The following COX8C variants were observed in gnomAD, a reference collection of about 807,000 sequenced individuals.
COX8C encodes cytochrome c oxidase subunit 8C, also known as cytochrome c oxidase subunit 8C, mitochondrial.
COX8C carries 3 observed loss-of-function variants against 3.5 expected under a neutral mutation model. That is an observed-to-expected ratio of 0.86 (90% CI 0.39 to 2.24). The LOEUF (loss-of-function observed/expected upper bound fraction) is 2.24, where lower values mean the gene tolerates loss of function less well. Ranked by LOEUF, COX8C falls within the 30% of genes most tolerant of loss-of-function variation. COX8C has a pLI of 0.05. For synonymous variants in COX8C, 46 were observed against 44.1 expected (o/e 1.04, Z -0.17); for missense variants, 113 against 102.5 (o/e 1.10, Z -0.44).
At chr14:93,347,715 T>A (rs1443997278) in intron 1 of COX8C, among the ~76,000 whole-genome samples, 1 of 152,112 alleles carries the variant, frequency 6.6e-6, no homozygotes, top group African/African-American at 2.4e-5. Context: ...CGCGGAGGAA[T>A]GATTTACCAT....
chr14:93,347,455 G>A, intron 1 of COX8C, 61 bp downstream of exon 1: 1 of 1,385,148 alleles, frequency 7.2e-7, no homozygotes, highest in Non-Finnish European at 9.3e-7. Flanking sequence ...GGGGCGCCCC[G>A]ACGGGTGGGG....
chr14:93,347,520 G>C, intron 1 of COX8C, 126 bp downstream of exon 1: 1 of 1,152,376 alleles, frequency 8.7e-7, no homozygotes, highest in Non-Finnish European at 1.1e-6. Flanking sequence ...TGGCTTGGTC[G>C]CCGTTGGGGG....
intron 1 of COX8C, 140 bp from the exon 2 acceptor site, chr14:93,347,888 C>A: frequency 5.2e-6 from 3 of 572,722 alleles, no homozygotes; most frequent in East Asian, 2.8e-5. Flanking sequence ...CGATTTTCAG[C>A]ATTTTAGATT....
At chr14:93,347,994 C>T (rs2053900788) in intron 1 of COX8C, 34 bp from the exon 2 acceptor site, 1 of 1,309,388 alleles carries the variant, frequency 7.6e-7, no homozygotes, top group Non-Finnish European at 1.1e-6. Context: ...CCTAGGAAGC[C>T]ATACTCAGCA....
rs200469290 is a variant in COX8C at position 93,348,019 on chromosome 14, C to A, written c.127-9C>A. On this transcript the variant is annotated splice_polypyrimidine_tract_variant and intron_variant, in intron 1 of 1. Coordinates refer to ENST00000342144, the MANE Select transcript of COX8C (RefSeq NM_182971.3). ...CATACTCAGCAGCGCGTGTCATCTT[C>A]TCTTCCAGGAAATGGCTGTTGGACT... The A allele has an allele frequency of 8.8e-6, 14 of 1,584,118 alleles. No individual in the cohort carries two copies. The highest frequency in any genetic ancestry group is 1.0e-5 in the Non-Finnish European group (12 of 1,152,792).
At position 93,347,360 on chromosome 14, in the gene COX8C, C is replaced by CG; in HGVS notation, c.96dup (p.Pro33AlafsTer45). ...CAGCCCGCTCCCCGCTTCGCCCACTCGGGGCCCCCGCGCCAGCGGCCCCTG... is the reference window on the plus strand; with the variant it reads ...CAGCCCGCTCCCCGCTTCGCCCACTCGGGGGCCCCCGCGCCAGCGGCCCCTG... On this transcript the variant is annotated frameshift_variant, in exon 1 of 2. Transcript: ENST00000342144. LOFTEE classifies it low-confidence loss of function (END_TRUNC). 1 of 1,581,954 alleles carries CG rather than the reference C, an allele frequency of 6.3e-7. No individual in the cohort carries two copies. Among genetic ancestry groups the CG allele is most frequent in the Non-Finnish European group, 8.5e-7 (1 of 1,169,606 alleles).
Position 93,347,975 on chromosome 14 carries a change from A to G in COX8C, c.127-53A>G, listed in dbSNP as rs2139902989. Reference sequence around the variant, plus strand: ...TTTAAGCACTTTTTGTTAGGCAGCAAGTCACTGGCCTAGGAAGCCATACTC... The same window carrying G: ...TTTAAGCACTTTTTGTTAGGCAGCAGGTCACTGGCCTAGGAAGCCATACTC... On this transcript the variant is annotated intron_variant, in intron 1 of 1. Transcript: ENST00000342144. 3.7e-6 allele frequency: 4 copies of G among 1,089,268 alleles called. No individual in the cohort carries two copies. The East Asian group carries it at 7.1e-5, about 19-fold the overall frequency. 67.5% of individuals were successfully genotyped at this position (1,089,268 alleles called of 1,614,324 possible).
chr14:93,347,457 C>T (rs2053878305), intron 1 of COX8C, 63 bp downstream of exon 1: 1 of 1,384,246 alleles, frequency 7.2e-7, no homozygotes, highest in Non-Finnish European at 9.3e-7. Context: ...GGCGCCCCGA[C>T]GGGTGGGGAG....
chr14:93,347,292 T>C lies in COX8C; in HGVS notation c.24T>C (p.Cys8=). Reference sequence around the variant, plus strand: ...ATATGCCTCTCCTGCGTGGGCGCTGTCCTGCCCGCCGCCACTACCGCCGCT... The same window carrying C: ...ATATGCCTCTCCTGCGTGGGCGCTGCCCTGCCCGCCGCCACTACCGCCGCT... MPLLRGR[C]PARRHYRRLA... Residue 8 remains cysteine (C), a synonymous_variant, in exon 1 of 2, where the codon TGT becomes TGC. Coordinates refer to ENST00000342144, the MANE Select transcript of COX8C (RefSeq NM_182971.3). 1 of 1,605,292 alleles carries C rather than the reference T, an allele frequency of 6.2e-7. No individual in the cohort carries two copies. The highest frequency in any genetic ancestry group is 8.5e-7 in the Non-Finnish European group (1 of 1,177,522).
rs757692455 is a variant in COX8C, at chr14:93,348,059, C to T, written c.158C>T (p.Thr53Met). 17 of 1,612,118 alleles carry T rather than the reference C, an allele frequency of 1.1e-5. No individual in the cohort carries two copies. The highest frequency in any genetic ancestry group is 1.4e-5 in the Non-Finnish European group (16 of 1,178,356). ...GCTGTTGGACTTGTGGTGTTTTTTA[C>T]GACCTTCTTAACACCAGCTGCATAT... The part of the protein sequence containing the change: ...EMAVGLVVFF[T>M]TFLTPAAYVL... The change falls in exon 2 of 2, where the codon ACG becomes ATG. Residue 53 changes from threonine to methionine, a missense_variant. By Grantham distance (81) the Thr-to-Met change is moderately conservative. Transcript: ENST00000342144.
chr14:93,347,794 C>A (rs1318001773), intron 1 of COX8C, among the ~76,000 whole-genome samples: 1 of 151,698 alleles, frequency 6.6e-6, no homozygotes, highest in African/African-American at 2.4e-5. Flanking sequence ...TGGGCCACAT[C>A]GAAGTTCCAG....
At chr14:93,347,423 G>A in intron 1 of COX8C, 29 bp downstream of exon 1, 1 of 1,461,814 alleles carries the variant, frequency 6.8e-7, no homozygotes, top group Non-Finnish European at 9.0e-7. Context: ...ATCATGGTGG[G>A]CGGGAAGCGC....
rs2139904654 is a variant in COX8C, at chr14:93,348,348, G to A, written c.*228G>A. ...AAATAAAACGGAAACACTTATTCGTGCTTGGTAATATGTGTGCAGATTATT... is the reference window on the plus strand; with the variant it reads ...AAATAAAACGGAAACACTTATTCGTACTTGGTAATATGTGTGCAGATTATT... On this transcript the variant is annotated 3_prime_UTR_variant, in exon 2 of 2. Coordinates refer to ENST00000342144, the MANE Select transcript of COX8C (RefSeq NM_182971.3). The A allele has an allele frequency of 2.1e-6, 1 of 475,384 alleles. No homozygotes were observed. The highest frequency in any genetic ancestry group is 3.4e-5 in the East Asian group (1 of 29,482). The allele number at this position is 475,384 out of a possible 1,614,324, so 29.4% of individuals were successfully genotyped here.
chr14:93,347,679 C>A (rs191598734), intron 1 of COX8C, among the ~76,000 whole-genome samples: 9 of 152,122 alleles, frequency 5.9e-5, no homozygotes, highest in Non-Finnish European at 1.3e-4. Flanking sequence ...TTACCGGCAC[C>A]TGGCTCGGGG....
At chr14:93,347,493 C>T in intron 1 of COX8C, 99 bp downstream of exon 1, 3 of 1,291,986 alleles carry the variant, frequency 2.3e-6, no homozygotes, top group Non-Finnish European at 3.0e-6. Context: ...GTGCAGGCCT[C>T]GCGTGGGAGG....
At position 93,348,160 on chromosome 14, in the gene COX8C, CTT is replaced by C. The variant is rs2053907025; in HGVS notation, c.*42_*43del. On this transcript the variant is annotated 3_prime_UTR_variant, in exon 2 of 2. Coordinates refer to ENST00000342144, the MANE Select transcript of COX8C (RefSeq NM_182971.3). ...TGAACAGCTGTTAACGTCCAAAAAA[CTT>C]TCAGAAAAAGCTGTGTTTTTGTTAA... 4.7e-6 allele frequency: 6 copies of C among 1,289,966 alleles called. No individual in the cohort carries two copies. Among genetic ancestry groups the C allele is most frequent in the Non-Finnish European group, 6.8e-6 (6 of 888,604 alleles). The allele number at this position is 1,289,966 out of a possible 1,614,324, so 79.9% of individuals were successfully genotyped here. A position where few individuals can be genotyped will look rare whatever the true frequency, so the allele number is the denominator to read the frequency against.
chr14:93,347,636 G>C (rs2053886012), intron 1 of COX8C, among the ~76,000 whole-genome samples: 1 of 152,122 alleles, frequency 6.6e-6, no homozygotes, highest in South Asian at 2.1e-4. Context: ...CCTGAGGAAC[G>C]CGCGGGGATT....
intron 1 of COX8C, among the ~76,000 whole-genome samples, chr14:93,347,692 G>A (rs941710280): frequency 3.9e-4 from 59 of 152,248 alleles, no homozygotes; most frequent in Non-Finnish European, 2.6e-4. Context: ...GCTCGGGGGC[G>A]GGGCTGTGGT....
chr14:93,347,391 C>A lies in COX8C; in HGVS notation c.123C>A (p.Ala41=). 1 of 1,533,346 alleles carries A rather than the reference C, an allele frequency of 6.5e-7. No homozygotes were observed. The highest frequency in any genetic ancestry group is 2.4e-5 in the East Asian group (1 of 41,498). 95.0% of individuals were successfully genotyped at this position (1,533,346 alleles called of 1,614,324 possible). A position where few individuals can be genotyped will look rare whatever the true frequency, so the allele number is the denominator to read the frequency against. Residue 41 remains alanine (A), a synonymous_variant, in exon 1 of 2, where the codon GCC becomes GCA. Transcript: ENST00000342144. ...CCCCGCGCCAGCGGCCCCTGTCTGC[C>A]GCGGTGAGTTGAGGCCCAGCCATCA... ...SGPPRQRPLS[A]AEMAVGLVVF... is the part of the protein sequence containing the mutation.
Sources: gnomAD v4.1 joint callset for allele counts (sites outside exome capture counted in the v4.1 genomes callset) on GRCh38, gnomAD v4.1.1 for gene constraint, MANE v1.5 for transcripts, NCBI Gene and HGNC (gene_info 2026-07-23, HGNC 2026-07-21) for gene names.